The following ZFHX3 variants were observed in gnomAD, a reference collection of about 807,000 sequenced individuals.
ZFHX3 encodes the protein zinc finger homeobox 3.
Under a neutral mutation model 279.1 loss-of-function variants are expected in ZFHX3, and 42 were observed. That is an observed-to-expected ratio of 0.15 (90% CI 0.12 to 0.19). The LOEUF (loss-of-function observed/expected upper bound fraction) is 0.19, where lower values mean the gene tolerates loss of function less well. Among genes scored for constraint, ZFHX3 ranks in the 10% least tolerant of loss-of-function variants. The pLI is 1.00. For missense variants in ZFHX3, 4,981 were observed against 4,754.0 expected, an observed-to-expected ratio of 1.05 and a Z score of -1.40; for synonymous variants, 2,293 against 1,957.8, an observed-to-expected ratio of 1.17 and a Z score of -4.52.
intron 2 of ZFHX3, among the ~76,000 whole-genome samples, chr16:73,561,880 G>A (rs2020374623): frequency 2.6e-5 from 4 of 152,052 alleles, no homozygotes; most frequent in Admixed American, 2.6e-4. Flanking sequence ...GCTAAGCTGT[G>A]GGGGCCTCCT....
At position 72,783,715 on chromosome 16, in the gene ZFHX3, C is replaced by T. The variant is rs2035223808; in HGVS notation, c.*3449G>A. On this transcript the variant is annotated 3_prime_UTR_variant, in exon 10 of 10. Coordinates refer to ENST00000268489, the MANE Select transcript of ZFHX3 (RefSeq NM_006885.4). ...CAGACTGGTGTCTAGCACCAACCCACACTATAGGGAGAAAACCAAAAAACG... is the reference window on the plus strand; with the variant it reads ...CAGACTGGTGTCTAGCACCAACCCATACTATAGGGAGAAAACCAAAAAACG... 1.3e-5 allele frequency: 2 copies of T among 152,108 alleles called. No individual in the cohort carries two copies. 9.4% of individuals were successfully genotyped at this position (152,108 alleles called of 1,614,324 possible). A position where few individuals can be genotyped will look rare whatever the true frequency, so the allele number is the denominator to read the frequency against.
intron 4 of ZFHX3, among the ~76,000 whole-genome samples, chr16:73,258,358 T>TATATATATATATATATATA (rs1567432751): frequency 1.3e-5 from 2 of 150,724 alleles, no homozygotes; most frequent in African/African-American, 4.9e-5. Flanking sequence ...TATATATATA[T>TATATATATATATATATATA]TTGTTTTCTG....
chr16:73,397,626 G>C (rs1300962115), intron 3 of ZFHX3, among the ~76,000 whole-genome samples: 1 of 152,180 alleles, frequency 6.6e-6, no homozygotes, highest in African/African-American at 2.4e-5. Context: ...AGCAGTGATG[G>C]TGGCTTGGAC....
chr16:72,864,567 A>ATGC (rs2037966763), intron 4 of ZFHX3, among the ~76,000 whole-genome samples: 1 of 152,232 alleles, frequency 6.6e-6, no homozygotes, highest in African/African-American at 2.4e-5. Flanking sequence ...CGATAGACAC[A>ATGC]CAAGTAAAGC....
At chr16:73,851,538 G>T (rs1961593816) in intron 1 of ZFHX3, among the ~76,000 whole-genome samples, 1 of 152,164 alleles carries the variant, frequency 6.6e-6, no homozygotes, top group African/African-American at 2.4e-5. Context: ...TTCAAAAATT[G>T]CAGGTGGGAC....
chr16:73,635,620 G>GTGA (rs1015824297), intron 2 of ZFHX3, among the ~76,000 whole-genome samples: 28 of 152,132 alleles, frequency 1.8e-4, no homozygotes, highest in African/African-American at 3.6e-4. Context: ...CTCTCACCCT[G>GTGA]TGATCCTGGT....
chr16:73,196,202 G>T (rs1393472737), intron 5 of ZFHX3, among the ~76,000 whole-genome samples: 2 of 140,726 alleles, frequency 1.4e-5, no homozygotes, highest in East Asian at 4.2e-4. Context: ...CAGTTTAATT[G>T]CTCTTCACAG....
intron 5 of ZFHX3, among the ~76,000 whole-genome samples, chr16:73,196,079 C>A (rs541636291): frequency 6.8e-6 from 1 of 147,020 alleles, no homozygotes. Context: ...TTAATTTTGA[C>A]TTAGAAGTGT....
intron 1 of ZFHX3, chr16:73,014,560 G>A (rs1350143120): frequency 9.0e-6 from 1 of 110,588 alleles, no homozygotes; most frequent in Non-Finnish European, 1.7e-5. Flanking sequence ...ACACAGTCTC[G>A]CTCTGTCACC....
At chr16:73,039,930 C>T (rs1171946231) in intron 1 of ZFHX3, among the ~76,000 whole-genome samples, 1 of 152,014 alleles carries the variant, frequency 6.6e-6, no homozygotes, top group Non-Finnish European at 1.5e-5. Flanking sequence ...TAAGTTTGAG[C>T]GGTATAAGCA....
intron 1 of ZFHX3, among the ~76,000 whole-genome samples, chr16:73,782,073 G>A (rs1156233207): frequency 1.3e-5 from 2 of 152,192 alleles, no homozygotes; most frequent in Non-Finnish European, 2.9e-5. Flanking sequence ...GGTCTCCATT[G>A]CCCAGTGCAG....
intron 1 of ZFHX3, among the ~76,000 whole-genome samples, chr16:73,872,479 C>G (rs1229096127): frequency 2.0e-5 from 3 of 151,936 alleles, no homozygotes; most frequent in Admixed American, 6.6e-5. Flanking sequence ...AAGTGACCAG[C>G]CTGCCTCAGC....
rs560742794 is a variant in ZFHX3 at position 73,360,544 on chromosome 16, G to T, written c.-1290-42208C>A. Among the ~76,000 whole-genome samples, 156 of 152,282 alleles carry T rather than the reference G, an allele frequency of 1.0e-3. 1 individual carries two copies. Among genetic ancestry groups the T allele is most frequent in the Non-Finnish European group, 3.7e-4 (25 of 68,028 alleles). Reference sequence around the variant, plus strand: ...AGTAGAGACAGGGTTTCGCCATGTTGGCCAGGCTGATCTTGAACTGCTGGC... The same window carrying T: ...AGTAGAGACAGGGTTTCGCCATGTTTGCCAGGCTGATCTTGAACTGCTGGC... On this transcript the variant is annotated intron_variant, in intron 3 of 17. Transcript: ENST00000641206.
intron 2 of ZFHX3, among the ~76,000 whole-genome samples, chr16:73,592,508 C>A (rs1210828384): frequency 6.6e-6 from 1 of 151,696 alleles, no homozygotes; most frequent in Non-Finnish European, 1.5e-5. Context: ...TAAAAACTAC[C>A]AACTTTCCAA....
At position 72,957,731 on chromosome 16, in the gene ZFHX3, C is replaced by A. The variant is rs1420986985; in HGVS notation, c.2415G>T (p.Arg805=). The change falls in exon 2 of 10, where the codon CGG becomes CGT. Residue 805 remains arginine, a synonymous_variant. Coordinates refer to ENST00000268489, the MANE Select transcript of ZFHX3 (RefSeq NM_006885.4). ...TGGTCTCATAATCACACACCTCGCA[C>A]CGCCAGGTGGGTTTGGTTTTTGGTT... is the stretch of plus-strand genomic sequence containing the variant. The part of the protein sequence containing the change: ...PTKPKTKPTW[R]CEVCDYETNV... The A allele has an allele frequency of 6.2e-7, 1 of 1,614,140 alleles. No homozygotes were observed. Among genetic ancestry groups the A allele is most frequent in the South Asian group, 1.1e-5 (1 of 91,074 alleles).
chr16:73,105,620 G>A (rs1966294664), intron 7 of ZFHX3, among the ~76,000 whole-genome samples: 2 of 151,780 alleles, frequency 1.3e-5, no homozygotes, highest in South Asian at 2.1e-4. Context: ...GGGCATGGTG[G>A]CGGGCACCTA....
At chr16:73,370,985 C>A (rs922391095) in intron 3 of ZFHX3, among the ~76,000 whole-genome samples, 1 of 152,062 alleles carries the variant, frequency 6.6e-6, no homozygotes, top group Non-Finnish European at 1.5e-5. Flanking sequence ...ATAATGCTCT[C>A]CTGATTGGAA....
At chr16:73,399,983 G>T (rs2017216786) in intron 3 of ZFHX3, among the ~76,000 whole-genome samples, 1 of 151,732 alleles carries the variant, frequency 6.6e-6, no homozygotes, top group Non-Finnish European at 1.5e-5. Flanking sequence ...TGACATAGGT[G>T]CTCACACGCA....
chr16:73,822,266 A>C (rs1028823289), intron 1 of ZFHX3, among the ~76,000 whole-genome samples: 1 of 152,064 alleles, frequency 6.6e-6, no homozygotes, highest in Non-Finnish European at 1.5e-5. Context: ...ATCTCCATTC[A>C]CCAAATCATC....
Sources: gnomAD v4.1 joint callset for allele counts (sites outside exome capture counted in the v4.1 genomes callset) on GRCh38, gnomAD v4.1.1 for gene constraint, MANE v1.5 for transcripts, NCBI Gene and HGNC (gene_info 2026-07-23, HGNC 2026-07-21) for gene names.